The following SMYD3 variants were observed in gnomAD, a reference collection of about 807,000 sequenced individuals.
SMYD3 encodes the protein histone-lysine N-methyltransferase SMYD3.
Under a neutral mutation model 57.7 loss-of-function variants are expected in SMYD3, and 36 were observed. The ratio of observed to expected loss-of-function variants is 0.62; its 90% CI spans 0.48 to 0.82. The LOEUF is 0.82. SMYD3 is among the 40% of genes least tolerant of loss of function. SMYD3 has a pLI of 0.00. For missense variants in SMYD3, 515 were observed against 538.8 expected (o/e 0.96, Z 0.44); for synonymous variants, 211 against 195.0 (o/e 1.08, Z -0.68).
intron 1 of SMYD3, among the ~76,000 whole-genome samples, chr1:246,412,049 G>C (rs560303505): frequency 6.6e-6 from 1 of 150,980 alleles, no homozygotes; most frequent in South Asian, 2.1e-4. Flanking sequence ...CTCCCTGGCT[G>C]AGCCAACTTG....
At position 246,368,694 on chromosome 1, in the gene SMYD3, C is replaced by T. The variant is rs200272549; in HGVS notation, c.165-13600G>A. Among the ~76,000 whole-genome samples the T allele has an allele frequency of 5.3e-5, 8 of 152,150 alleles. No individual in the cohort carries two copies. The East Asian group carries it at 1.5e-3, about 29-fold the overall frequency. On this transcript the variant is annotated intron_variant, in intron 1 of 11. Coordinates refer to ENST00000490107, the MANE Select transcript of SMYD3 (RefSeq NM_001167740.2). ...AGTCAGTGGACTGGGAAAGGCAGAC[C>T]CCCCCTCAACCTGGGTGGGCACCAT...
intron 5 of SMYD3, among the ~76,000 whole-genome samples, chr1:246,300,065 A>G (rs985452411): frequency 1.3e-5 from 2 of 149,196 alleles, no homozygotes; most frequent in East Asian, 3.9e-4. Flanking sequence ...CATACAATGG[A>G]ATAGTATACA....
chr1:246,035,204 A>G (rs1011477300), intron 5 of SMYD3: 2 of 152,234 alleles, frequency 1.3e-5, no homozygotes, highest in Admixed American at 6.5e-5. Context: ...TATAGTAAAC[A>G]TATCTTTGTT....
At chr1:246,372,691 C>T (rs754041787) in intron 1 of SMYD3, among the ~76,000 whole-genome samples, 3 of 152,102 alleles carry the variant, frequency 2.0e-5, no homozygotes, top group Admixed American at 1.3e-4. Context: ...GCCAACATGG[C>T]GAAACCCCAT....
chr1:246,195,482 A>C (rs1396705759), intron 5 of SMYD3, among the ~76,000 whole-genome samples: 2 of 152,160 alleles, frequency 1.3e-5, no homozygotes, highest in African/African-American at 4.8e-5. Flanking sequence ...GTAATACATC[A>C]TTCTGTCAGT....
intron 5 of SMYD3, among the ~76,000 whole-genome samples, chr1:246,159,126 TTAAAAAAGG>T (rs1040997242): frequency 2.2e-4 from 34 of 152,240 alleles, no homozygotes; most frequent in African/African-American, 7.0e-4. Flanking sequence ...GCGCCAACCA[TTAAAAAAGG>T]TTTTTCTAAA....
At chr1:246,351,661 G>A (rs2065826248) in intron 2 of SMYD3, among the ~76,000 whole-genome samples, 1 of 152,158 alleles carries the variant, frequency 6.6e-6, no homozygotes, top group Non-Finnish European at 1.5e-5. Flanking sequence ...TATATATGAT[G>A]CATAAACCAA....
At chr1:245,979,987 A>G (rs79923171) in intron 5 of SMYD3, among the ~76,000 whole-genome samples, 3 of 152,232 alleles carry the variant, frequency 2.0e-5, no homozygotes, top group Non-Finnish European at 2.9e-5. Flanking sequence ...TCTAGTGGAC[A>G]TCGCACGCTA....
intron 5 of SMYD3, among the ~76,000 whole-genome samples, chr1:246,126,104 C>A (rs1251745062): frequency 6.6e-6 from 1 of 152,222 alleles, no homozygotes; most frequent in Non-Finnish European, 1.5e-5. Context: ...TACTTACACA[C>A]AGCGCAGTGC....
At chr1:246,410,383 G>A (rs201760308) in intron 1 of SMYD3, among the ~76,000 whole-genome samples, 2 of 152,100 alleles carry the variant, frequency 1.3e-5, no homozygotes, top group Non-Finnish European at 2.9e-5. Context: ...AGCATGAAGT[G>A]TTGCTGAATT....
intron 1 of SMYD3, among the ~76,000 whole-genome samples, chr1:246,395,556 A>G (rs2066645128): frequency 6.6e-6 from 1 of 151,276 alleles, no homozygotes; most frequent in African/African-American, 2.4e-5. Flanking sequence ...ACAAGTGGAC[A>G]ATGTGCACTA....
chr1:246,005,238 G>T (rs2059148723), intron 5 of SMYD3, among the ~76,000 whole-genome samples: 1 of 152,192 alleles, frequency 6.6e-6, no homozygotes, highest in South Asian at 2.1e-4. Flanking sequence ...CTATCTTACT[G>T]CCATTGCTTA....
At chr1:245,969,457 C>T (rs187093719) in intron 5 of SMYD3, among the ~76,000 whole-genome samples, 72 of 152,338 alleles carry the variant, frequency 4.7e-4, no homozygotes, top group African/African-American at 1.7e-3. Flanking sequence ...TCAGCTGAGT[C>T]TCATAGCCAG....
chr1:246,070,745 G>T (rs944697494), intron 5 of SMYD3, among the ~76,000 whole-genome samples: 2 of 152,228 alleles, frequency 1.3e-5, no homozygotes, highest in African/African-American at 4.8e-5. Flanking sequence ...AGTCCTACTG[G>T]AGGATGGTTT....
At position 245,873,580 on chromosome 1, in the gene SMYD3, G is replaced by A. The variant is rs554184766; in HGVS notation, c.814-9694C>T. On this transcript the variant is annotated intron_variant, in intron 8 of 11. Coordinates refer to ENST00000490107, the MANE Select transcript of SMYD3 (RefSeq NM_001167740.2). ...GCTGCAGCCCTCATCTCCTTTAATC[G>A]GCCACATCTCCATCTTTTGTATTTT... Among the ~76,000 whole-genome samples, 7 of 152,168 alleles carry A rather than the reference G, an allele frequency of 4.6e-5. No individual in the cohort carries two copies. The South Asian group carries it at 6.2e-4, about 14-fold the overall frequency.
intron 5 of SMYD3, among the ~76,000 whole-genome samples, chr1:246,188,466 G>T (rs113924951): frequency 2.6e-4 from 39 of 152,234 alleles, no homozygotes; most frequent in African/African-American, 9.4e-4. Flanking sequence ...CATTTTAAGT[G>T]TACACTTCAA....
At chr1:246,398,648 T>C (rs577729260) in intron 1 of SMYD3, among the ~76,000 whole-genome samples, 31 of 152,154 alleles carry the variant, frequency 2.0e-4, no homozygotes, top group South Asian at 1.0e-3. Context: ...GTAAATAGTA[T>C]AGAGTGACTG....
At chr1:246,118,726 C>T (rs1256956364) in intron 5 of SMYD3, among the ~76,000 whole-genome samples, 1 of 147,282 alleles carries the variant, frequency 6.8e-6, no homozygotes, top group African/African-American at 2.6e-5. Context: ...CCTTGAGACT[C>T]CCAATTTTTT....
chr1:246,195,358 G>A (rs1049550188), intron 5 of SMYD3, among the ~76,000 whole-genome samples: 8 of 152,094 alleles, frequency 5.3e-5, no homozygotes, highest in Non-Finnish European at 4.4e-5. Context: ...TTCAATTTTG[G>A]TTAGATTTCC....
Sources: gnomAD v4.1 joint callset for allele counts (sites outside exome capture counted in the v4.1 genomes callset) on GRCh38, gnomAD v4.1.1 for gene constraint, MANE v1.5 for transcripts, NCBI Gene and HGNC (gene_info 2026-07-23, HGNC 2026-07-21) for gene names.